The following STXBP4 variants were observed in gnomAD, a reference collection of about 807,000 sequenced individuals.
STXBP4 encodes the protein syntaxin-binding protein 4.
STXBP4 carries 55 observed loss-of-function variants against 76.1 expected under a neutral mutation model. The observed-to-expected ratio is 0.72, with a 90% CI of 0.58 to 0.91. STXBP4 has a LOEUF of 0.91. Among genes scored for constraint, STXBP4 ranks in the 40% least tolerant of loss-of-function variants. The pLI, the probability that STXBP4 is intolerant of heterozygous loss-of-function variation, is 0.00. For synonymous variants in STXBP4, 201 were observed against 220.2 expected (o/e 0.91, Z 0.77); for missense variants, 618 against 636.9 (o/e 0.97, Z 0.32).
the STXBP4 span, among the ~76,000 whole-genome samples, chr17:55,187,851 T>C: frequency 6.6e-6 from 1 of 152,264 alleles, no homozygotes; most frequent in Admixed American, 6.5e-5. Flanking sequence ...CAGGCAGACA[T>C]AAGAATTAAA....
the STXBP4 span, among the ~76,000 whole-genome samples, chr17:55,184,291 G>C: frequency 6.6e-6 from 1 of 152,118 alleles, no homozygotes; most frequent in Non-Finnish European, 1.5e-5. Context: ...TTTATAACCA[G>C]AAGAGAAATT....
chr17:55,120,430 C>T (rs185961951), intron 16 of STXBP4, among the ~76,000 whole-genome samples: 103 of 152,270 alleles, frequency 6.8e-4, no homozygotes, highest in Admixed American at 1.4e-3. Context: ...GAGGCAGCTT[C>T]CTGCCAGAGA....
intron 16 of STXBP4, among the ~76,000 whole-genome samples, chr17:55,102,195 T>C (rs1430469093): frequency 2.0e-5 from 3 of 152,028 alleles, no homozygotes; most frequent in Non-Finnish European, 4.4e-5. Context: ...GTTACATGGG[T>C]ATACACATGC....
rs534272701 is a variant in STXBP4 at position 55,166,259 on chromosome 17, A to C, written c.*6348A>C. ...AAATATATTCCCTTTTCTCTGTTTC[A>C]TGCAAACATGGCTTATTTATTTTTC... is the stretch of plus-strand genomic sequence containing the variant. On this transcript the variant is annotated 3_prime_UTR_variant, in exon 18 of 18. Transcript: ENST00000376352. The C allele has an allele frequency of 6.6e-6, 1 of 152,304 alleles. No individual in the cohort carries two copies. The highest frequency in any genetic ancestry group is 1.9e-4 in the East Asian group (1 of 5,190). The allele number at this position is 152,304 out of a possible 1,614,324, so 9.4% of individuals were successfully genotyped here.
intron 13 of STXBP4, among the ~76,000 whole-genome samples, chr17:55,075,719 G>A (rs2079173885): frequency 6.6e-6 from 1 of 152,110 alleles, no homozygotes; most frequent in South Asian, 2.1e-4. Context: ...GTTGTAATAA[G>A]TGTTACATCA....
rs566813042 is a variant in STXBP4 at position 54,998,854 on chromosome 17, T to A, written c.181-491T>A. On this transcript the variant is annotated intron_variant, in intron 4 of 17. Transcript: ENST00000376352. ...TTTTGAAAATTTAATTTTTTTTTTT[T>A]AAAAACCCTTGACTAAAGTTTTAAA... 4.7e-4 allele frequency among the ~76,000 whole-genome samples: 67 copies of A among 143,796 alleles called. 1 individual carries two copies. The highest frequency in any genetic ancestry group is 7.0e-3 in the Middle Eastern group (2 of 286). The allele number at this position is 143,796 out of a possible 152,430, so 94.3% of individuals were successfully genotyped here.
intron 12 of STXBP4, among the ~76,000 whole-genome samples, chr17:55,063,837 G>T (rs571231954): frequency 2.1e-4 from 32 of 152,228 alleles, no homozygotes; most frequent in Middle Eastern, 3.4e-3. Flanking sequence ...CCATTATTCA[G>T]TTGCTAAGAG....
At chr17:55,071,361 C>T (rs1329739658) in intron 12 of STXBP4, among the ~76,000 whole-genome samples, 1 of 152,088 alleles carries the variant, frequency 6.6e-6, no homozygotes, top group African/African-American at 2.4e-5. Context: ...CTACTCCCGT[C>T]TTCCTGGACC....
rs1330589875 is a variant in STXBP4, at chr17:55,165,434, A to C, written c.*5523A>C. On this transcript the variant is annotated 3_prime_UTR_variant, in exon 18 of 18. Transcript: ENST00000376352. Reference sequence around the variant, plus strand: ...AGGCAGTGGGACCTTGGACAACGCCAGTGAGCTTCCTCCAGCCCAATGTGG... The same window carrying C: ...AGGCAGTGGGACCTTGGACAACGCCCGTGAGCTTCCTCCAGCCCAATGTGG... 1 of 152,266 alleles carries C rather than the reference A, an allele frequency of 6.6e-6. No individual in the cohort carries two copies. Among genetic ancestry groups the C allele is most frequent in the Non-Finnish European group, 1.5e-5 (1 of 68,082 alleles). 9.4% of individuals were successfully genotyped at this position (152,266 alleles called of 1,614,324 possible).
At chr17:55,052,051 T>C (rs1276175945) in intron 12 of STXBP4, among the ~76,000 whole-genome samples, 2 of 152,054 alleles carry the variant, frequency 1.3e-5, no homozygotes, top group African/African-American at 2.4e-5. Context: ...GGACTATCTG[T>C]ATATGTATAT....
chr17:55,148,608 G>C (rs1253104872), intron 17 of STXBP4, among the ~76,000 whole-genome samples: 1 of 151,102 alleles, frequency 6.6e-6, no homozygotes, highest in African/African-American at 2.4e-5. Context: ...ACACAGTCTC[G>C]GCTCAGTGCA....
chr17:55,001,928 G>A (rs967393757), intron 7 of STXBP4, among the ~76,000 whole-genome samples: 12 of 152,176 alleles, frequency 7.9e-5, no homozygotes, highest in Admixed American at 5.9e-4. Context: ...CACCGCTCGT[G>A]CCTGGCTCAA....
the STXBP4 span, among the ~76,000 whole-genome samples, chr17:55,208,548 A>AGCAAGGAAGGGAGGGAG: frequency 1.4e-5 from 2 of 145,428 alleles, no homozygotes; most frequent in Non-Finnish European, 3.0e-5. Context: ...GAAGGAAGGA[A>AGCAAGGAAGGGAGGGAG]GGAAGCAAGG....
intron 16 of STXBP4, among the ~76,000 whole-genome samples, chr17:55,112,059 G>A (rs1347396235): frequency 1.3e-5 from 2 of 151,308 alleles, no homozygotes; most frequent in African/African-American, 4.9e-5. Flanking sequence ...AGGACTATAG[G>A]TGCACAACAC....
At chr17:55,003,132 A>G (rs2077946765) in intron 7 of STXBP4, among the ~76,000 whole-genome samples, 1 of 152,208 alleles carries the variant, frequency 6.6e-6, no homozygotes, top group South Asian at 2.1e-4. Context: ...TGAACACAGG[A>G]GATCGTTTCA....
chr17:55,117,539 C>G (rs1369114205), intron 16 of STXBP4, among the ~76,000 whole-genome samples: 2 of 151,268 alleles, frequency 1.3e-5, no homozygotes, highest in Non-Finnish European at 3.0e-5. Flanking sequence ...TAGCACAGCT[C>G]TCATTTAAAG....
intron 10 of STXBP4, among the ~76,000 whole-genome samples, chr17:55,041,738 CT>C (rs925197450): frequency 2.0e-3 from 295 of 151,278 alleles, no homozygotes; most frequent in African/African-American, 6.7e-3. Context: ...AGTTATTATA[CT>C]TTTTTTTTGG....
At chr17:55,210,495 A>G in the STXBP4 span, among the ~76,000 whole-genome samples, 2 of 152,202 alleles carry the variant, frequency 1.3e-5, no homozygotes, top group Admixed American at 6.5e-5. Flanking sequence ...AGAGGCCTGT[A>G]TTACTTCTCT....
At chr17:55,037,408 C>T (rs150096061) in intron 10 of STXBP4, among the ~76,000 whole-genome samples, 2 of 152,066 alleles carry the variant, frequency 1.3e-5, no homozygotes, top group Non-Finnish European at 2.9e-5. Context: ...TGGTCATGCT[C>T]CAGGTTAGCA....
Sources: allele counts gnomAD v4.1 joint callset (sites outside exome capture counted in the v4.1 genomes callset), GRCh38; gene constraint gnomAD v4.1.1; transcripts MANE v1.5; gene names NCBI Gene and HGNC (gene_info 2026-07-23, HGNC 2026-07-21).